The following TCF20 variants were observed in gnomAD, a reference collection of about 807,000 sequenced individuals.
TCF20 encodes SPRE-binding protein.
TCF20 carries 3 observed loss-of-function variants against 148.6 expected under a neutral mutation model. The observed-to-expected ratio is 0.02, with a 90% CI of 0.01 to 0.05. TCF20 has a LOEUF of 0.05. Ranked by LOEUF, TCF20 falls within the 10% of genes least tolerant of loss-of-function variation. The pLI is 1.00. For missense variants in TCF20, 2,350 were observed against 2,429.3 expected (o/e 0.97, Z 0.69); for synonymous variants, 1,049 against 909.5 (o/e 1.15, Z -2.76).
chr22:42,326,824 G>C (rs1330931891), intron 1 of TCF20, among the ~76,000 whole-genome samples: 1 of 152,264 alleles, frequency 6.6e-6, no homozygotes, highest in Non-Finnish European at 1.5e-5. Context: ...AGCCCAGAGA[G>C]GGCCACACTT....
Position 42,212,747 on chromosome 22 carries a change from T to C in TCF20, c.2559A>G (p.Ala853=). 6.2e-7 allele frequency: 1 copy of C among 1,614,242 alleles called. No homozygotes were observed. Among genetic ancestry groups the C allele is most frequent in the Non-Finnish European group, 8.5e-7 (1 of 1,180,038 alleles). ...CAGAGAGGGAACCCCCAGGCTCATGTGCTGATGACTGAGGCTCTATTTCAA... is the reference window on the plus strand; with the variant it reads ...CAGAGAGGGAACCCCCAGGCTCATGCGCTGATGACTGAGGCTCTATTTCAA... ...RKFEIEPQSS[A]HEPGGSLSER... Residue 853 remains alanine (A), a synonymous_variant, in exon 2 of 6, where the codon GCA becomes GCG. Transcript: ENST00000677622.
At chr22:42,196,155 C>T (rs1318906011) in intron 2 of TCF20, among the ~76,000 whole-genome samples, 2 of 152,170 alleles carry the variant, frequency 1.3e-5, no homozygotes, top group African/African-American at 4.8e-5. Flanking sequence ...TCTGTCCTAC[C>T]CTCAGTGAGG....
intron 1 of TCF20, among the ~76,000 whole-genome samples, chr22:42,232,929 T>G (rs938904060): frequency 6.6e-5 from 10 of 152,312 alleles, no homozygotes; most frequent in South Asian, 2.1e-4. Context: ...CAATATTTTT[T>G]GTTTGTTTTG....
chr22:42,267,418 G>C (rs973630677), intron 1 of TCF20, among the ~76,000 whole-genome samples: 10 of 151,754 alleles, frequency 6.6e-5, no homozygotes, highest in Non-Finnish European at 4.4e-5. Context: ...GTGTCTACTT[G>C]TGGGCTGGGC....
chr22:42,183,862 G>A (rs183004220), intron 2 of TCF20, among the ~76,000 whole-genome samples: 3 of 151,112 alleles, frequency 2.0e-5, no homozygotes, highest in Non-Finnish European at 2.9e-5. Flanking sequence ...TCCACCTCCC[G>A]GGTTCAAGCG....
Position 42,212,089 on chromosome 22 carries a change from C to A in TCF20, c.3217G>T (p.Gly1073Trp). The change falls in exon 2 of 6, where the codon GGG becomes TGG. Residue 1073 changes from glycine to tryptophan, a missense_variant. By Grantham distance (184) the Gly-to-Trp change is radical. Coordinates refer to ENST00000677622, the MANE Select transcript of TCF20 (RefSeq NM_001378418.1). ...YHANTRAHAY[G>W]DPNAGLNSQL... ...GAATTCAAACCTGCGTTAGGGTCCC[C>A]ATAAGCATGAGCCCGAGTATTTGCA... 1.9e-6 allele frequency: 3 copies of A among 1,614,142 alleles called. No homozygotes were observed. The highest frequency in any genetic ancestry group is 2.5e-6 in the Non-Finnish European group (3 of 1,180,028).
chr22:42,165,072 G>C lies in TCF20; in HGVS notation c.*44+3537C>G, dbSNP rs376347148. ...CACTTGGCTGCTGAGCAGTGGCAGG[G>C]AGGCGGGCACTATAGCAGCCACAAT... On this transcript the variant is annotated intron_variant, in intron 5 of 5. Coordinates refer to ENST00000677622, the MANE Select transcript of TCF20 (RefSeq NM_001378418.1). Among the ~76,000 whole-genome samples, 37 of 152,380 alleles carry C rather than the reference G, an allele frequency of 2.4e-4. No homozygotes were observed. In the East Asian group the frequency reaches 6.9e-3, roughly 29 times the overall value.
At chr22:42,264,718 A>C (rs1000163914) in intron 1 of TCF20, among the ~76,000 whole-genome samples, 1 of 152,064 alleles carries the variant, frequency 6.6e-6, no homozygotes, top group Non-Finnish European at 1.5e-5. Context: ...TTGTTTTCTT[A>C]TTTTCTTCAC....
chr22:42,285,114 C>T (rs1246863620), upstream of TCF20, among the ~76,000 whole-genome samples: 2 of 152,232 alleles, frequency 1.3e-5, no homozygotes, highest in African/African-American at 2.4e-5. The surrounding 1 kb of genome is among the most constrained non-coding windows in gnomAD (Gnocchi z 4.2). Flanking sequence ...TGGCCCAGGG[C>T]CCCTCCAGGC....
intron 3 of TCF20, among the ~76,000 whole-genome samples, chr22:42,174,126 A>T (rs1936297554): frequency 6.6e-6 from 1 of 152,102 alleles, no homozygotes; most frequent in Non-Finnish European, 1.5e-5. Flanking sequence ...CCTTCCAAAA[A>T]ATCCCAACCA....
At chr22:42,223,059 G>A (rs368291892) in intron 1 of TCF20, among the ~76,000 whole-genome samples, 1 of 152,172 alleles carries the variant, frequency 6.6e-6, no homozygotes. Context: ...TGAGGCAGGA[G>A]GATCACTTGA....
intron 1 of TCF20, among the ~76,000 whole-genome samples, chr22:42,334,043 T>A (rs939205518): frequency 2.0e-5 from 3 of 152,084 alleles, no homozygotes; most frequent in Middle Eastern, 3.2e-3. Context: ...ACCCTTGGTG[T>A]CAGAGGGGCT....
At chr22:42,191,600 T>G (rs1403292169) in intron 2 of TCF20, among the ~76,000 whole-genome samples, 3 of 152,204 alleles carry the variant, frequency 2.0e-5, no homozygotes, top group Non-Finnish European at 4.4e-5. Flanking sequence ...GCATTTTATC[T>G]TATCTACAGT....
rs1920930980 is a variant in TCF20, at chr22:42,210,175, A to C, written c.5131T>G (p.Trp1711Gly). The change falls in exon 2 of 6, where the codon TGG (tryptophan) becomes GGG (glycine). Residue 1711 changes from tryptophan (W) to glycine (G), a missense_variant. Physicochemically the swap from Trp to Gly is radical, Grantham distance 184 (BLOSUM62 -2). Around this residue, in one of 7 missense-constraint regions of TCF20, gnomAD observed 374 missense variants for 398.3 expected, o/e 0.94. Transcript: ENST00000677622. This position sits in a 1 kb window ranked among gnomAD's most constrained non-coding sequence, Gnocchi z 4.7. ...GHLVCCLCGK[W>G]ASYRNMGDLF... ...TCACCCATGTTCCGGTAACTGGCCC[A>C]CTTGCCACACAGACAGCAAACCAGG... is the stretch of plus-strand genomic sequence containing the variant. 3.7e-6 allele frequency: 6 copies of C among 1,614,072 alleles called. No homozygotes were observed. Among genetic ancestry groups the C allele is most frequent in the Non-Finnish European group, 5.1e-6 (6 of 1,180,050 alleles).
chr22:42,254,390 T>G (rs1033299470), intron 1 of TCF20, among the ~76,000 whole-genome samples: 5 of 152,260 alleles, frequency 3.3e-5, no homozygotes, highest in Non-Finnish European at 7.3e-5. Context: ...GCAAGTTATA[T>G]TCCAGCTCAT....
intron 1 of TCF20, among the ~76,000 whole-genome samples, chr22:42,268,974 C>G (rs895282146): frequency 2.6e-5 from 4 of 152,196 alleles, no homozygotes; most frequent in Admixed American, 6.5e-5. Context: ...GATAAAAAAG[C>G]AAAACCACAA....
In TCF20 at chr22:42,242,189, C is replaced by T. The variant is rs577047053; in HGVS notation, c.-36-26848G>A. 5.7e-4 allele frequency among the ~76,000 whole-genome samples: 48 copies of T among 84,316 alleles called. No individual in the cohort carries two copies. In the Admixed American group the frequency reaches 6.3e-3, roughly 11 times the overall value. 55.3% of individuals were successfully genotyped at this position (84,316 alleles called of 152,430 possible). A position where few individuals can be genotyped will look rare whatever the true frequency, so the allele number is the denominator to read the frequency against. ...CCGCACTCCAGCCTGGGCGACAGAGCGAGACTTCGCCTCAAAAAAAAAAAA... is the reference window on the plus strand; with the variant it reads ...CCGCACTCCAGCCTGGGCGACAGAGTGAGACTTCGCCTCAAAAAAAAAAAA... On this transcript the variant is annotated intron_variant, in intron 1 of 5. Transcript: ENST00000677622.
intron 1 of TCF20, among the ~76,000 whole-genome samples, chr22:42,303,299 C>T (rs973926884): frequency 1.2e-4 from 18 of 152,246 alleles, no homozygotes; most frequent in African/African-American, 2.7e-4. Context: ...GTCTTCACCA[C>T]GCGTACCGAG....
At chr22:42,257,430 C>T (rs1199066765) in intron 1 of TCF20, among the ~76,000 whole-genome samples, 2 of 152,148 alleles carry the variant, frequency 1.3e-5, no homozygotes, top group African/African-American at 4.8e-5. Context: ...ATTAATAAGA[C>T]ATGGTGATCA....
Sources: allele counts gnomAD v4.1 joint callset (sites outside exome capture counted in the v4.1 genomes callset), GRCh38; gene constraint gnomAD v4.1.1; regional missense constraint gnomAD v4.1.1; non-coding constraint Gnocchi (gnomAD v3.1); transcripts MANE v1.5; gene names NCBI Gene and HGNC (gene_info 2026-07-23, HGNC 2026-07-21).